NRXN3: variants seen among roughly 807,000 people sequenced by gnomAD.
NRXN3 encodes the protein neurexin 3, also known as neurexin III.
Under a neutral mutation model 137.6 loss-of-function variants are expected in NRXN3, and 32 were observed. The ratio of observed to expected loss-of-function variants is 0.23; its 90% CI spans 0.18 to 0.31. The LOEUF is 0.31. NRXN3 is among the 10% of genes least tolerant of loss of function. NRXN3 has a pLI of 1.00. For missense variants in NRXN3, 1,574 were observed against 2,062.5 expected (o/e 0.76, Z 4.59); for synonymous variants, 798 against 784.5 (o/e 1.02, Z -0.29).
intron 15 of NRXN3, among the ~76,000 whole-genome samples, chr14:79,099,418 G>A (rs930554820): frequency 2.0e-5 from 3 of 152,110 alleles, no homozygotes; most frequent in Non-Finnish European, 4.4e-5. Flanking sequence ...ACTTCTGAGA[G>A]TCAAAAGGAG....
chr14:79,420,925 A>G (rs960563967), intron 15 of NRXN3, among the ~76,000 whole-genome samples: 1 of 152,162 alleles, frequency 6.6e-6, no homozygotes, highest in African/African-American at 2.4e-5. Context: ...CACTGAACAA[A>G]TATTAACTGA....
intron 16 of NRXN3, among the ~76,000 whole-genome samples, chr14:79,574,656 T>A (rs1602326011): frequency 6.6e-6 from 1 of 151,970 alleles, no homozygotes; most frequent in Non-Finnish European, 1.5e-5. Context: ...TTACCCAGGG[T>A]GAGTGGACTG....
chr14:78,946,031 C>T (rs958382903), intron 10 of NRXN3, among the ~76,000 whole-genome samples: 7 of 152,170 alleles, frequency 4.6e-5, no homozygotes, highest in African/African-American at 1.4e-4. Flanking sequence ...TGGACCTATT[C>T]GGAAGAGGCT....
chr14:79,025,142 T>C (rs1279393155), intron 15 of NRXN3, among the ~76,000 whole-genome samples: 1 of 152,188 alleles, frequency 6.6e-6, no homozygotes, highest in African/African-American at 2.4e-5. Context: ...GGCAATGTCC[T>C]GATATTCTAT....
chr14:79,684,121 G>A (rs1462773424), intron 17 of NRXN3, among the ~76,000 whole-genome samples: 1 of 152,126 alleles, frequency 6.6e-6, no homozygotes, highest in Non-Finnish European at 1.5e-5. Context: ...GCTAAGAGAG[G>A]TATCTCCTAC....
intron 15 of NRXN3, among the ~76,000 whole-genome samples, chr14:79,278,126 A>T (rs1207861283): frequency 6.6e-6 from 1 of 152,150 alleles, no homozygotes. Flanking sequence ...AATAGGTGCT[A>T]TAAGCTCCTT....
intron 15 of NRXN3, among the ~76,000 whole-genome samples, chr14:79,218,916 A>G (rs2069011844): frequency 6.6e-6 from 1 of 151,976 alleles, no homozygotes; most frequent in Non-Finnish European, 1.5e-5. Context: ...TTTTATATAT[A>G]AAGGGGTAAG....
At position 78,674,795 on chromosome 14, in the gene NRXN3, A is replaced by G. The variant is rs976198785; in HGVS notation, c.1221+23469A>G. ...AAAATGTTTTGCTTGAATTAGAATA[A>G]AAGTAGTCCTTTTTGTCCACTCTAA... On this transcript the variant is annotated intron_variant, in intron 6 of 20. Coordinates refer to ENST00000335750, the MANE Select transcript of NRXN3 (RefSeq NM_001330195.2). 5.3e-5 allele frequency among the ~76,000 whole-genome samples: 8 copies of G among 152,306 alleles called. No homozygotes were observed. The East Asian group carries it at 1.3e-3, about 26-fold the overall frequency.
intron 19 of NRXN3, among the ~76,000 whole-genome samples, chr14:79,790,889 T>C (rs886800638): frequency 2.6e-5 from 4 of 152,116 alleles, no homozygotes; most frequent in African/African-American, 9.6e-5. Flanking sequence ...GATCTTGTGA[T>C]CCACCCGCCT....
chr14:79,251,772 C>T (rs1441289008), intron 15 of NRXN3, among the ~76,000 whole-genome samples: 1 of 151,870 alleles, frequency 6.6e-6, no homozygotes, highest in Non-Finnish European at 1.5e-5. Flanking sequence ...GTTCATTGCA[C>T]TATTACCCCC....
intron 15 of NRXN3, among the ~76,000 whole-genome samples, chr14:79,226,722 T>C (rs1291146345): frequency 1.3e-5 from 2 of 152,168 alleles, no homozygotes; most frequent in Non-Finnish European, 2.9e-5. Context: ...AATGACTTTT[T>C]ATACCCAATG....
At chr14:79,305,518 A>G (rs895192896) in intron 15 of NRXN3, among the ~76,000 whole-genome samples, 7 of 152,082 alleles carry the variant, frequency 4.6e-5, no homozygotes, top group Non-Finnish European at 1.0e-4. Context: ...AGGTCATCTC[A>G]GCCAGAAACA....
chr14:78,999,281 A>G (rs755525677), intron 15 of NRXN3, among the ~76,000 whole-genome samples: 1 of 151,922 alleles, frequency 6.6e-6, no homozygotes, highest in African/African-American at 2.4e-5. Context: ...GGATATGGAA[A>G]TTATAAAAGC....
At position 79,697,719 on chromosome 14, in the gene NRXN3, C is replaced by T; in HGVS notation, c.3796C>T (p.Leu1266Phe). Reference sequence around the variant, plus strand: ...CCTCTTCCAAGGCCAACTCTCTGGGCTCTATTATGATGGTTTGAAAGTACT... The same window carrying T: ...CCTCTTCCAAGGCCAACTCTCTGGGTTCTATTATGATGGTTTGAAAGTACT... Reference protein sequence around the residue: ...GRLFQGQLSGLYYDGLKVLNM... With the variant: ...GRLFQGQLSGFYYDGLKVLNM... The change falls in exon 19 of 21, where the codon CTC (leucine) becomes TTC (phenylalanine). Residue 1266 changes from leucine (L) to phenylalanine (F), a missense_variant. Leu to Phe is a conservative substitution (Grantham distance 22). Transcript: ENST00000335750. 1 of 1,613,152 alleles carries T rather than the reference C, an allele frequency of 6.2e-7. No individual in the cohort carries two copies. The highest frequency in any genetic ancestry group is 1.1e-5 in the South Asian group (1 of 91,046).
At chr14:78,913,040 C>A (rs1201629939) in intron 10 of NRXN3, among the ~76,000 whole-genome samples, 1 of 151,920 alleles carries the variant, frequency 6.6e-6, no homozygotes, top group African/African-American at 2.4e-5. Flanking sequence ...TATGATCTCT[C>A]CTTCAATAGA....
chr14:78,400,726 C>A (rs529338237), intron 4 of NRXN3, among the ~76,000 whole-genome samples: 1 of 152,284 alleles, frequency 6.6e-6, no homozygotes, highest in South Asian at 2.1e-4. Context: ...GAAATACACT[C>A]TCCACTGTGT....
rs563252671 is a variant in NRXN3, at chr14:79,355,083, G to A, written c.3263-112138G>A. On this transcript the variant is annotated intron_variant, in intron 15 of 20. Coordinates refer to ENST00000335750, the MANE Select transcript of NRXN3 (RefSeq NM_001330195.2). ...TTAAATCAGATTATTTGCCAAAGGGGGGTGACAAGATTTGGTTATTAGCAA... is the reference window on the plus strand; with the variant it reads ...TTAAATCAGATTATTTGCCAAAGGGAGGTGACAAGATTTGGTTATTAGCAA... Among the ~76,000 whole-genome samples, 95 of 152,238 alleles carry A rather than the reference G, an allele frequency of 6.2e-4. 3 individuals carry two copies. The South Asian group carries it at 0.019, about 31-fold the overall frequency.
Position 79,813,330 on chromosome 14 carries a change from A to G in NRXN3, c.4093+8140A>G, listed in dbSNP as rs140008464. Among the ~76,000 whole-genome samples the G allele has an allele frequency of 2.5e-3, 380 of 152,230 alleles. 2 individuals carry two copies. Among genetic ancestry groups the G allele is most frequent in the Non-Finnish European group, 4.2e-3 (283 of 68,012 alleles). ...CAGATATATCTATCCGTATATGCAC[A>G]TTCCTGTGTATATATATAAATAGAT... On this transcript the variant is annotated intron_variant, in intron 20 of 20. Transcript: ENST00000335750.
intron 4 of NRXN3, among the ~76,000 whole-genome samples, chr14:78,544,411 G>A (rs2096619498): frequency 6.6e-6 from 1 of 152,174 alleles, no homozygotes; most frequent in African/African-American, 2.4e-5. Flanking sequence ...GTAGCACCAT[G>A]GACATCAAAG....
Sources: allele counts gnomAD v4.1 joint callset (sites outside exome capture counted in the v4.1 genomes callset), GRCh38; gene constraint gnomAD v4.1.1; transcripts MANE v1.5; gene names NCBI Gene and HGNC (gene_info 2026-07-23, HGNC 2026-07-21).